The following PTPN13 variants were observed in gnomAD, a reference collection of about 807,000 sequenced individuals.
The protein encoded by PTPN13 is protein tyrosine phosphatase non-receptor type 13.
In PTPN13, 191 loss-of-function variants were observed where a neutral mutation model predicts 284.0. The ratio of observed to expected loss-of-function variants is 0.67; its 90% CI spans 0.60 to 0.76. The LOEUF (loss-of-function observed/expected upper bound fraction) is 0.76. Ranked by LOEUF, PTPN13 falls within the 30% of genes least tolerant of loss-of-function variation. The pLI, the probability that PTPN13 is intolerant of heterozygous loss-of-function variation, is 0.00. For missense variants in PTPN13, 2,797 were observed against 2,939.9 expected, an observed-to-expected ratio of 0.95 and a Z score of 1.12; for synonymous variants, 986 against 1,022.3, an observed-to-expected ratio of 0.96 and a Z score of 0.68.
In PTPN13 at chr4:86,751,019, C is replaced by T; in HGVS notation, c.3069-8C>T. ...CACTTCCCTCCTACCTTCCTTTTCC[C>T]TCTTCAGTTCAAAGTCTGTTGCGAG... On this transcript the variant is annotated splice_region_variant and splice_polypyrimidine_tract_variant and intron_variant, in intron 18 of 47. Coordinates refer to ENST00000411767, the MANE Select transcript of PTPN13 (RefSeq NM_080683.3). 20 of 1,595,364 alleles carry T rather than the reference C, an allele frequency of 1.3e-5. No individual in the cohort carries two copies. Among genetic ancestry groups the T allele is most frequent in the Non-Finnish European group, 1.7e-5 (20 of 1,165,258 alleles).
Position 86,722,411 on chromosome 4 carries a change from G to C in PTPN13, c.1585G>C (p.Ala529Pro). ...GTTAAGAGAAATTGCCCTAGAAACAGCCATGACTCAAAGAAAACTGAGGGT... is the reference window on the plus strand; with the variant it reads ...GTTAAGAGAAATTGCCCTAGAAACACCCATGACTCAAAGAAAACTGAGGGT... Reference protein sequence around the residue: ...DPLREIALETAMTQRKLRNFF... With the variant: ...DPLREIALETPMTQRKLRNFF... Residue 529 changes from alanine to proline, a missense_variant, in exon 10 of 48, where the codon GCC becomes CCC. Physicochemically the swap from Ala to Pro is conservative, Grantham distance 27. Transcript: ENST00000411767. 2 of 1,613,236 alleles carry C rather than the reference G, an allele frequency of 1.2e-6. No homozygotes were observed. Among genetic ancestry groups the C allele is most frequent in the Non-Finnish European group, 1.7e-6 (2 of 1,179,414 alleles).
rs750236150 is a variant in PTPN13, at chr4:86,811,090, C to T, written c.7344C>T (p.His2448=). The T allele has an allele frequency of 6.8e-6, 11 of 1,613,292 alleles. No individual in the cohort carries two copies. The highest frequency in any genetic ancestry group is 3.3e-5 in the South Asian group (3 of 91,038). The change falls in exon 47 of 48, where the codon CAC becomes CAT. Residue 2448 remains histidine (H), a synonymous_variant. Coordinates refer to ENST00000411767, the MANE Select transcript of PTPN13 (RefSeq NM_080683.3). Reference sequence around the variant, plus strand: ...TGCGCTGCATGAGACTACAAAGACACGGAATGGTTCAGACAGAGGTGAGTC... The same window carrying T: ...TGCGCTGCATGAGACTACAAAGACATGGAATGGTTCAGACAGAGGTGAGTC... The part of the protein sequence containing the change: ...DLVRCMRLQR[H]GMVQTEDQYI...
intron 2 of PTPN13, among the ~76,000 whole-genome samples, chr4:86,671,792 T>C (rs1180875106): frequency 1.3e-5 from 2 of 152,232 alleles, no homozygotes; most frequent in African/African-American, 4.8e-5. Flanking sequence ...TTAGAAACCT[T>C]GTGAATGCCT....
chr4:86,719,373 C>T (rs1201695821), intron 9 of PTPN13, among the ~76,000 whole-genome samples: 1 of 152,180 alleles, frequency 6.6e-6, no homozygotes, highest in Non-Finnish European at 1.5e-5. Context: ...TTTATACAAT[C>T]TGTCATTCTG....
Position 86,684,100 on chromosome 4 carries a change from T to TAAA in PTPN13, c.295-2598_295-2596dup, listed in dbSNP as rs3971792. ...TGCTAAGAGGGATACTAAGATATGT[T>TAAA]AAAAAAAAAAAAAAGCTGTTTCCCT... On this transcript the variant is annotated intron_variant, in intron 3 of 47. Coordinates refer to ENST00000411767, the MANE Select transcript of PTPN13 (RefSeq NM_080683.3). 6.7e-3 allele frequency among the ~76,000 whole-genome samples: 926 copies of TAAA among 138,094 alleles called. 7 individuals are homozygous for TAAA. The highest frequency in any genetic ancestry group is 0.02 in the African/African-American group (759 of 37,644). The allele number at this position is 138,094 out of a possible 152,430, so 90.6% of individuals were successfully genotyped here.
At chr4:86,600,910 AG>A (rs1764247111) in intron 1 of PTPN13, among the ~76,000 whole-genome samples, 2 of 152,124 alleles carry the variant, frequency 1.3e-5, no homozygotes, top group South Asian at 4.1e-4. Context: ...CAGAAGTTTC[AG>A]TTTTTAATGA....
chr4:86,781,707 G>C (rs1281166486), intron 36 of PTPN13, among the ~76,000 whole-genome samples: 1 of 151,142 alleles, frequency 6.6e-6, no homozygotes, highest in Admixed American at 6.6e-5. Flanking sequence ...CCTCACACCT[G>C]TAATCCCAGC....
At chr4:86,707,065 C>G (rs1731853752) in intron 7 of PTPN13, among the ~76,000 whole-genome samples, 1 of 152,094 alleles carries the variant, frequency 6.6e-6, no homozygotes, top group South Asian at 2.1e-4. Flanking sequence ...CACGCCCTAT[C>G]CATTGCTCTG....
chr4:86,611,972 A>G (rs991559515), intron 1 of PTPN13, among the ~76,000 whole-genome samples: 62 of 152,354 alleles, frequency 4.1e-4, no homozygotes, highest in African/African-American at 1.4e-3. Context: ...GCCTGTTCCC[A>G]CAAACTGGGC....
chr4:86,794,528 C>A (rs757115860), intron 40 of PTPN13, among the ~76,000 whole-genome samples: 4 of 151,954 alleles, frequency 2.6e-5, no homozygotes, highest in Admixed American at 6.6e-5. Context: ...GACTTTCTTC[C>A]CAGAATAGGA....
intron 10 of PTPN13, among the ~76,000 whole-genome samples, chr4:86,726,877 C>T (rs1166116731): frequency 6.7e-6 from 1 of 149,344 alleles, no homozygotes; most frequent in South Asian, 2.1e-4. Flanking sequence ...GAGAGGGCAT[C>T]CTTGTCTTGT....
intron 9 of PTPN13, among the ~76,000 whole-genome samples, chr4:86,720,962 C>G (rs1223199323): frequency 6.6e-6 from 1 of 152,020 alleles, no homozygotes; most frequent in Non-Finnish European, 1.5e-5. Context: ...AATTTCTAAG[C>G]CTTTTTATGT....
In PTPN13 at chr4:86,741,708, AT is replaced by A; in HGVS notation, c.2381del (p.Leu794CysfsTer49). The A allele has an allele frequency of 6.2e-7, 1 of 1,613,692 alleles. No individual in the cohort carries two copies. Among genetic ancestry groups the A allele is most frequent in the Middle Eastern group, 1.6e-4 (1 of 6,062 alleles). Reference sequence around the variant, plus strand: ...CTGAGAAGAAGTCACAAACAGGAATATTGCTTGGAGTCTGTTCTAAAGGTGT... The same window carrying A: ...CTGAGAAGAAGTCACAAACAGGAATATGCTTGGAGTCTGTTCTAAAGGTGT... ...HPEKKSQTGI[L>X]LGVCSKGVLV... On this transcript the variant is annotated frameshift_variant, in exon 16 of 48. Transcript: ENST00000411767. LOFTEE classifies it high-confidence loss of function.
At chr4:86,699,372 C>G (rs559051576) in intron 6 of PTPN13, among the ~76,000 whole-genome samples, 1 of 151,270 alleles carries the variant, frequency 6.6e-6, no homozygotes, top group Non-Finnish European at 1.5e-5. Context: ...GGAGACGGAG[C>G]GAGACTCTAT....
intron 3 of PTPN13, among the ~76,000 whole-genome samples, chr4:86,673,165 G>A (rs1727896886): frequency 6.6e-6 from 1 of 152,132 alleles, no homozygotes; most frequent in South Asian, 2.1e-4. Flanking sequence ...TTCCTAATAG[G>A]CCATGGGACT....
intron 10 of PTPN13, among the ~76,000 whole-genome samples, chr4:86,731,138 C>T (rs1578519701): frequency 1.3e-5 from 2 of 152,128 alleles, no homozygotes; most frequent in South Asian, 4.1e-4. Context: ...AAGAAACCAA[C>T]AAAAATAAAA....
At chr4:86,628,391 T>TA (rs975514833) in intron 1 of PTPN13, among the ~76,000 whole-genome samples, 6 of 151,968 alleles carry the variant, frequency 3.9e-5, no homozygotes, top group East Asian at 3.9e-4. Flanking sequence ...CATTCAAATC[T>TA]AAAAAAAACT....
In PTPN13 at chr4:86,771,213, A is replaced by G. The variant is rs1739958648; in HGVS notation, c.4846A>G (p.Lys1616Glu). 2 of 1,612,032 alleles carry G rather than the reference A, an allele frequency of 1.2e-6. No homozygotes were observed. Among genetic ancestry groups the G allele is most frequent in the African/African-American group, 1.3e-5 (1 of 74,922 alleles). ...AGCACAAGTACTTCCAAACAGCAGT[A>G]AAGACTCTTCTCAGCCATCATGTGT... ...SPAQVLPNSSKDSSQPSCVEQ... is the reference protein window; with the variant it reads ...SPAQVLPNSSEDSSQPSCVEQ... Residue 1616 changes from lysine to glutamate, a missense_variant, in exon 31 of 48, where the codon AAA (lysine) becomes GAA (glutamate). Lys to Glu is a moderately conservative substitution (Grantham distance 56). Coordinates refer to ENST00000411767, the MANE Select transcript of PTPN13 (RefSeq NM_080683.3).
intron 1 of PTPN13, among the ~76,000 whole-genome samples, chr4:86,596,654 G>A (rs1763836791): frequency 6.6e-6 from 1 of 152,104 alleles, no homozygotes; most frequent in Non-Finnish European, 1.5e-5. Context: ...GTGTTGATTT[G>A]TTCTGTCTTT....
Sources: gnomAD v4.1 joint callset for allele counts (sites outside exome capture counted in the v4.1 genomes callset) on GRCh38, gnomAD v4.1.1 for gene constraint, MANE v1.5 for transcripts, NCBI Gene and HGNC (gene_info 2026-07-23, HGNC 2026-07-21) for gene names.